DPP10: variants seen among roughly 807,000 people sequenced by gnomAD.
The protein encoded by DPP10 is dipeptidyl peptidase like 10, also known as inactive dipeptidyl peptidase 10.
In DPP10, 33 loss-of-function variants were observed where a neutral mutation model predicts 120.9. The observed-to-expected ratio is 0.27, with a 90% CI of 0.21 to 0.37. DPP10 has a LOEUF of 0.37. Among genes scored for constraint, DPP10 ranks in the 10% least tolerant of loss-of-function variants. DPP10 has a pLI of 1.00. For synonymous variants in DPP10, 337 were observed against 326.1 expected (o/e 1.03, Z -0.36); for missense variants, 816 against 942.8 (o/e 0.87, Z 1.76).
intron 5 of DPP10, among the ~76,000 whole-genome samples, chr2:115,640,604 A>G (rs187948485): frequency 6.6e-6 from 1 of 152,260 alleles, no homozygotes; most frequent in African/African-American, 2.4e-5. Flanking sequence ...TAATGGTTTT[A>G]TGAAGGAATA....
intron 1 of DPP10, among the ~76,000 whole-genome samples, chr2:114,508,393 T>C (rs901129961): frequency 6.6e-6 from 1 of 152,248 alleles, no homozygotes; most frequent in Non-Finnish European, 1.5e-5. Context: ...TAGCATACTT[T>C]TTGTGATTGA....
intron 1 of DPP10, among the ~76,000 whole-genome samples, chr2:114,792,813 C>T (rs554118170): frequency 3.9e-5 from 6 of 152,196 alleles, no homozygotes; most frequent in South Asian, 4.2e-4. Context: ...GTGTCATATG[C>T]GATCCCACTG....
chr2:115,376,557 T>A (rs2065812713), intron 3 of DPP10, among the ~76,000 whole-genome samples: 1 of 151,304 alleles, frequency 6.6e-6, no homozygotes, highest in Non-Finnish European at 1.5e-5. Context: ...TTTATTTATT[T>A]ATTATTATTA....
intron 1 of DPP10, among the ~76,000 whole-genome samples, chr2:114,599,014 T>C (rs947266765): frequency 1.3e-5 from 2 of 151,846 alleles, no homozygotes; most frequent in African/African-American, 2.4e-5. Context: ...AATAATTGGA[T>C]GAAAAGAGTT....
intron 1 of DPP10, among the ~76,000 whole-genome samples, chr2:114,860,303 C>T (rs1183382908): frequency 6.6e-6 from 1 of 152,128 alleles, no homozygotes; most frequent in Non-Finnish European, 1.5e-5. Context: ...TACCATATGC[C>T]ACATATTGCA....
chr2:115,388,586 T>C (rs2067114558), intron 3 of DPP10, among the ~76,000 whole-genome samples: 1 of 152,218 alleles, frequency 6.6e-6, no homozygotes, highest in South Asian at 2.1e-4. Context: ...CTAGCTCTGC[T>C]TGCTTTTTCT....
At chr2:115,121,139 C>T (rs531070021) in intron 1 of DPP10, among the ~76,000 whole-genome samples, 11 of 152,272 alleles carry the variant, frequency 7.2e-5, no homozygotes, top group African/African-American at 2.6e-4. Flanking sequence ...AGAAATAGGG[C>T]TACTAGAGGG....
chr2:114,478,968 G>A (rs1318771431), intron 1 of DPP10, among the ~76,000 whole-genome samples: 1 of 54,678 alleles, frequency 1.8e-5, no homozygotes, highest in Non-Finnish European at 3.5e-5. Context: ...AATAAATTAA[G>A]CATGTACAGA....
chr2:115,322,377 T>C (rs2062103393), intron 2 of DPP10, among the ~76,000 whole-genome samples: 1 of 152,200 alleles, frequency 6.6e-6, no homozygotes. Context: ...AGAAATGTTT[T>C]CTTGAATATT....
intron 1 of DPP10, among the ~76,000 whole-genome samples, chr2:114,845,289 T>C (rs527874208): frequency 1.3e-5 from 2 of 152,280 alleles, no homozygotes; most frequent in Admixed American, 6.5e-5. Context: ...AGATATGATA[T>C]GATTAACAAA....
intron 1 of DPP10, among the ~76,000 whole-genome samples, chr2:115,298,285 A>G (rs1302974084): frequency 6.6e-6 from 1 of 152,110 alleles, no homozygotes; most frequent in Non-Finnish European, 1.5e-5. Context: ...AGTTAGGCTT[A>G]TAATTATGCT....
At chr2:115,525,483 C>T (rs896555035) in intron 4 of DPP10, among the ~76,000 whole-genome samples, 1 of 151,844 alleles carries the variant, frequency 6.6e-6, no homozygotes, top group African/African-American at 2.4e-5. Flanking sequence ...AAACATTCAA[C>T]CAGTAAGAAT....
intron 21 of DPP10, among the ~76,000 whole-genome samples, chr2:115,835,268 C>CA (rs1326629853): frequency 2.0e-5 from 3 of 152,064 alleles, no homozygotes; most frequent in Admixed American, 2.0e-4. Flanking sequence ...ACCTCAGATG[C>CA]AAACACTACC....
At chr2:115,377,198 T>C (rs1287430779) in intron 3 of DPP10, among the ~76,000 whole-genome samples, 1 of 151,902 alleles carries the variant, frequency 6.6e-6, no homozygotes, top group Non-Finnish European at 1.5e-5. Flanking sequence ...TTTCTCCACA[T>C]CCTCTCCAGC....
At chr2:114,682,193 C>G (rs531304561) in intron 1 of DPP10, among the ~76,000 whole-genome samples, 1 of 151,948 alleles carries the variant, frequency 6.6e-6, no homozygotes, top group Admixed American at 6.6e-5. Context: ...TCTCCCCATC[C>G]TCTCTCTGAA....
intron 1 of DPP10, among the ~76,000 whole-genome samples, chr2:115,286,526 A>T (rs1404682927): frequency 2.0e-4 from 12 of 60,936 alleles, no homozygotes; most frequent in African/African-American, 5.4e-4. Context: ...ATATATATAT[A>T]ATATATATAT....
intron 1 of DPP10, among the ~76,000 whole-genome samples, chr2:114,662,627 C>T (rs977157148): frequency 6.6e-6 from 1 of 152,156 alleles, no homozygotes; most frequent in Admixed American, 6.5e-5. Context: ...GCTGGATGGC[C>T]ACCGCGTCCA....
chr2:115,439,440 T>A (rs1263395634), intron 3 of DPP10, among the ~76,000 whole-genome samples: 1 of 152,246 alleles, frequency 6.6e-6, no homozygotes, highest in Admixed American at 6.5e-5. Context: ...ACCACTGAAC[T>A]GTACACTTAA....
chr2:115,072,817 C>T (rs558355719), intron 1 of DPP10, among the ~76,000 whole-genome samples: 1 of 152,088 alleles, frequency 6.6e-6, no homozygotes, highest in African/African-American at 2.4e-5. Flanking sequence ...GAGTCTCAGT[C>T]TGTCACCCAG....
Sources: gnomAD v4.1 joint callset for allele counts (sites outside exome capture counted in the v4.1 genomes callset) on GRCh38, gnomAD v4.1.1 for gene constraint, MANE v1.5 for transcripts, NCBI Gene and HGNC (gene_info 2026-07-23, HGNC 2026-07-21) for gene names.